ADAM12: variants seen among roughly 807,000 people sequenced by gnomAD.
ADAM12 encodes ADAM metallopeptidase domain 12, also known as disintegrin and metalloproteinase domain-containing protein 12.
In ADAM12, 70 loss-of-function variants were observed where a neutral mutation model predicts 106.4. That is an observed-to-expected ratio of 0.66 (90% CI 0.54 to 0.80). The LOEUF (loss-of-function observed/expected upper bound fraction) is 0.80. Ranked by LOEUF, ADAM12 falls within the 30% of genes least tolerant of loss-of-function variation. The pLI, the probability that ADAM12 is intolerant of heterozygous loss-of-function variation, is 0.00. For missense variants in ADAM12, 1,010 were observed against 1,171.9 expected (o/e 0.86, Z 2.02); for synonymous variants, 420 against 433.5 (o/e 0.97, Z 0.39).
chr10:126,280,408 C>T (rs6597759), intron 2 of ADAM12, among the ~76,000 whole-genome samples: 145,520 of 152,246 alleles, frequency 0.96, 69,811 homozygotes, highest in East Asian at 1. Context: ...TTAATTAAAA[C>T]GAAATGAAAT....
At chr10:126,042,245 G>C (rs188173858) in intron 18 of ADAM12, 6 of 1,612,550 alleles carry the variant, frequency 3.7e-6, no homozygotes, top group East Asian at 4.5e-5. Context: ...TCTTTCCCTC[G>C]AAAAGAGGCA....
In ADAM12 at chr10:126,373,690, C is replaced by T. The variant is rs138432374; in HGVS notation, c.88+14368G>A. On this transcript the variant is annotated intron_variant, in intron 1 of 22. Coordinates refer to ENST00000448723, the MANE Select transcript of ADAM12 (RefSeq NM_001288973.2). ...TATCAGAGATGTCTAGTTCTGAAAACACAGTGGACTGAGTTGACACAGCTA... is the reference window on the plus strand; with the variant it reads ...TATCAGAGATGTCTAGTTCTGAAAATACAGTGGACTGAGTTGACACAGCTA... Among the ~76,000 whole-genome samples, 8 of 152,318 alleles carry T rather than the reference C, an allele frequency of 5.3e-5. No individual in the cohort carries two copies. In the East Asian group the frequency reaches 1.5e-3, roughly 29 times the overall value.
At chr10:126,287,676 C>A (rs561805131) in intron 2 of ADAM12, among the ~76,000 whole-genome samples, 1 of 152,012 alleles carries the variant, frequency 6.6e-6, no homozygotes, top group African/African-American at 2.4e-5. Context: ...TGACTCTCTG[C>A]CAAAACATCT....
At chr10:126,024,932 C>T (rs1953840773) in intron 21 of ADAM12, among the ~76,000 whole-genome samples, 1 of 151,638 alleles carries the variant, frequency 6.6e-6, no homozygotes, top group Non-Finnish European at 1.5e-5. Context: ...GGAAGTGGTA[C>T]AAGAAAAACT....
chr10:126,376,147 T>A (rs1166389431), intron 1 of ADAM12, among the ~76,000 whole-genome samples: 2 of 152,088 alleles, frequency 1.3e-5, no homozygotes, highest in East Asian at 3.8e-4. Flanking sequence ...AAACAAAACT[T>A]ACCCTTTCAG....
At chr10:126,182,168 T>C (rs1193253077) in intron 3 of ADAM12, among the ~76,000 whole-genome samples, 1 of 152,168 alleles carries the variant, frequency 6.6e-6, no homozygotes. Context: ...GCTGGTGAGT[T>C]TCCTTTGAGA....
At chr10:126,306,347 T>C (rs1276675828) in intron 2 of ADAM12, among the ~76,000 whole-genome samples, 3 of 152,110 alleles carry the variant, frequency 2.0e-5, no homozygotes, top group Non-Finnish European at 4.4e-5. Flanking sequence ...ATAGTTGAGC[T>C]CTATTTGTTC....
At chr10:126,154,783 G>C (rs1035322294) in intron 4 of ADAM12, among the ~76,000 whole-genome samples, 1 of 152,150 alleles carries the variant, frequency 6.6e-6, no homozygotes, top group Non-Finnish European at 1.5e-5. Context: ...TAACACCCAC[G>C]ATATAGAATC....
intron 8 of ADAM12, among the ~76,000 whole-genome samples, chr10:126,104,088 C>T (rs1287355586): frequency 2.0e-5 from 3 of 152,200 alleles, no homozygotes; most frequent in Non-Finnish European, 4.4e-5. Context: ...AAACTGCATC[C>T]TTCAGGCAAC....
At chr10:126,027,326 A>T (rs1953892744) in intron 21 of ADAM12, among the ~76,000 whole-genome samples, 1 of 152,202 alleles carries the variant, frequency 6.6e-6, no homozygotes. Context: ...TTTCTACTGA[A>T]ACTATTCCAA....
At chr10:126,244,053 T>C (rs1050330506) in intron 3 of ADAM12, among the ~76,000 whole-genome samples, 11 of 152,234 alleles carry the variant, frequency 7.2e-5, no homozygotes, top group African/African-American at 2.7e-4. Flanking sequence ...TGCCTACTCA[T>C]GTTTTGGCAA....
At chr10:126,351,910 A>C (rs900067258) in intron 1 of ADAM12, among the ~76,000 whole-genome samples, 4 of 152,104 alleles carry the variant, frequency 2.6e-5, no homozygotes, top group African/African-American at 9.7e-5. Flanking sequence ...GGACTGAGAA[A>C]GTACTCTCGG....
At chr10:126,213,088 C>T (rs531715001) in intron 3 of ADAM12, among the ~76,000 whole-genome samples, 46 of 152,160 alleles carry the variant, frequency 3.0e-4, no homozygotes, top group African/African-American at 9.4e-4. Flanking sequence ...TCTTTCCTGT[C>T]GTATCCAGCA....
chr10:126,332,344 G>A (rs11814202), intron 1 of ADAM12, among the ~76,000 whole-genome samples: 3,817 of 152,208 alleles, frequency 0.025, 154 homozygotes, highest in African/African-American at 0.083. Context: ...CTCTCTCTCC[G>A]TCCTGTGCAT....
At chr10:126,251,445 G>C (rs1238368169) in intron 3 of ADAM12, among the ~76,000 whole-genome samples, 1 of 54,088 alleles carries the variant, frequency 1.8e-5, no homozygotes, top group Non-Finnish European at 4.1e-5. Flanking sequence ...GAACCAATAG[G>C]ATAGATGGAT....
intron 3 of ADAM12, among the ~76,000 whole-genome samples, chr10:126,265,919 C>T (rs2133721640): frequency 6.6e-6 from 1 of 152,214 alleles, no homozygotes; most frequent in Admixed American, 6.5e-5. Context: ...ATCTGGGAAA[C>T]ATGAATACTG....
intron 3 of ADAM12, among the ~76,000 whole-genome samples, chr10:126,222,631 G>C (rs184622373): frequency 6.6e-6 from 1 of 152,052 alleles, no homozygotes; most frequent in African/African-American, 2.4e-5. Flanking sequence ...CTGATCCAGA[G>C]AGTTGCCTAA....
chr10:126,050,228 C>T (rs143417842), intron 14 of ADAM12, among the ~76,000 whole-genome samples: 147 of 152,334 alleles, frequency 9.6e-4, no homozygotes, highest in African/African-American at 3.4e-3. Flanking sequence ...AGATTTCTCT[C>T]AGAGGCCATG....
intron 2 of ADAM12, among the ~76,000 whole-genome samples, chr10:126,284,165 T>A (rs1959728784): frequency 6.6e-6 from 1 of 151,808 alleles, no homozygotes. Flanking sequence ...AAACCCCGTC[T>A]CTACTAAAAA....
Sources: gnomAD v4.1 joint callset for allele counts (sites outside exome capture counted in the v4.1 genomes callset) on GRCh38, gnomAD v4.1.1 for gene constraint, MANE v1.5 for transcripts, NCBI Gene and HGNC (gene_info 2026-07-23, HGNC 2026-07-21) for gene names.